Variants in STT3B observed in about 807,000 individuals in gnomAD.
STT3B encodes STT3 oligosaccharyltransferase complex catalytic subunit B, also known as dolichyl-diphosphooligosaccharide--protein glycosyltransferase subunit STT3B.
In STT3B, 29 loss-of-function variants were observed where a neutral mutation model predicts 96.8. The observed-to-expected ratio is 0.30, with a 90% CI of 0.22 to 0.41. The LOEUF (loss-of-function observed/expected upper bound fraction) is 0.41. STT3B is among the 10% of genes least tolerant of loss of function. The pLI is 1.00. For synonymous variants in STT3B, 367 were observed against 360.0 expected (o/e 1.02, Z -0.22); for missense variants, 640 against 1,022.3 (o/e 0.63, Z 5.10).
At chr3:31,533,496 C>T (rs933052883) in intron 1 of STT3B, 184 bp downstream of exon 1, 27 of 708,928 alleles carry the variant, frequency 3.8e-5, no homozygotes, top group Non-Finnish European at 7.8e-6. Context: ...GAAGTTTGCC[C>T]CGTGCAGCCT....
intron 9 of STT3B, 43 bp from the exon 10 acceptor site, chr3:31,622,054 A>G: frequency 1.3e-6 from 2 of 1,534,962 alleles, no homozygotes; most frequent in East Asian, 4.5e-5. Flanking sequence ...TTTCCTGGGA[A>G]CTTTTTCCCT....
At chr3:31,556,695 C>A (rs1024238320) in intron 1 of STT3B, among the ~76,000 whole-genome samples, 3 of 152,112 alleles carry the variant, frequency 2.0e-5, no homozygotes, top group Non-Finnish European at 4.4e-5. Flanking sequence ...TGTATGTCTT[C>A]TTTTGAGAAA....
At chr3:31,578,898 A>C (rs1217554859) in intron 2 of STT3B, among the ~76,000 whole-genome samples, 1 of 152,094 alleles carries the variant, frequency 6.6e-6, no homozygotes, top group Non-Finnish European at 1.5e-5. Context: ...TAAAGACGGG[A>C]GTGTGGGGGA....
chr3:31,554,713 C>T (rs545601976), intron 1 of STT3B, among the ~76,000 whole-genome samples: 4 of 152,274 alleles, frequency 2.6e-5, no homozygotes, highest in Admixed American at 2.6e-4. Flanking sequence ...CTTTTATGCA[C>T]TCTTTTCTGG....
chr3:31,553,522 T>TA (rs923175757), intron 1 of STT3B, among the ~76,000 whole-genome samples: 6 of 152,178 alleles, frequency 3.9e-5, no homozygotes, highest in Non-Finnish European at 8.8e-5. Flanking sequence ...AAAGTAGAAT[T>TA]ACGATTATTC....
At chr3:31,582,615 C>T (rs1468813842) in intron 3 of STT3B, among the ~76,000 whole-genome samples, 1 of 151,878 alleles carries the variant, frequency 6.6e-6, no homozygotes, top group Non-Finnish European at 1.5e-5. Context: ...TTTTCTAGTT[C>T]ACAACGTAGT....
intron 3 of STT3B, among the ~76,000 whole-genome samples, chr3:31,596,474 G>GTGACC (rs1698794029): frequency 6.6e-6 from 1 of 152,100 alleles, no homozygotes; most frequent in Non-Finnish European, 1.5e-5. Context: ...GGTGGCCATG[G>GTGACC]TGACCTGTGG....
At chr3:31,541,737 C>T (rs182742514) in intron 1 of STT3B, among the ~76,000 whole-genome samples, 22 of 152,068 alleles carry the variant, frequency 1.4e-4, no homozygotes, top group Middle Eastern at 3.4e-3. Flanking sequence ...CGACCATGCC[C>T]GGCTAATTTT....
chr3:31,562,168 G>A (rs987959435), intron 1 of STT3B, among the ~76,000 whole-genome samples: 1 of 152,134 alleles, frequency 6.6e-6, no homozygotes, highest in Non-Finnish European at 1.5e-5. Context: ...TGCAGGGGAG[G>A]GCAGCTTCTC....
chr3:31,632,629 A>G (rs994465083), intron 14 of STT3B, among the ~76,000 whole-genome samples: 1 of 151,216 alleles, frequency 6.6e-6, no homozygotes, highest in East Asian at 2.0e-4. Flanking sequence ...GTATACCTAT[A>G]AAAAGGGCTT....
intron 4 of STT3B, 50 bp from the exon 5 acceptor site, chr3:31,600,310 A>C (rs1458603679): frequency 1.2e-6 from 1 of 834,234 alleles, no homozygotes; most frequent in Non-Finnish European, 1.9e-6. Context: ...AAATATACTT[A>C]TTTTAAAAAG....
chr3:31,614,554 T>C (rs1417963205), intron 5 of STT3B, among the ~76,000 whole-genome samples: 3 of 151,974 alleles, frequency 2.0e-5, no homozygotes, highest in Admixed American at 6.6e-5. Context: ...TTGACTTCTG[T>C]GTACTTAGTT....
intron 1 of STT3B, among the ~76,000 whole-genome samples, chr3:31,546,451 C>CG: frequency 6.6e-6 from 1 of 152,082 alleles, no homozygotes; most frequent in East Asian, 1.9e-4. Flanking sequence ...AGCATTGCAG[C>CG]GGGGTTCTGA....
At chr3:31,593,320 T>G (rs1001589824) in intron 3 of STT3B, among the ~76,000 whole-genome samples, 1 of 152,154 alleles carries the variant, frequency 6.6e-6, no homozygotes, top group African/African-American at 2.4e-5. Context: ...TGATGCAAAG[T>G]CAATCATATC....
chr3:31,602,701 T>G (rs1464061297), intron 5 of STT3B, among the ~76,000 whole-genome samples: 2 of 144,246 alleles, frequency 1.4e-5, no homozygotes, highest in African/African-American at 5.2e-5. Flanking sequence ...TAGAAAAATA[T>G]GAAATTCATA....
intron 1 of STT3B, among the ~76,000 whole-genome samples, chr3:31,562,474 T>G (rs540988491): frequency 6.6e-6 from 1 of 151,914 alleles, no homozygotes; most frequent in African/African-American, 2.4e-5. Context: ...CTTGCTTTGG[T>G]GGGGGTATGG....
At position 31,622,184 on chromosome 3, in the gene STT3B, C is replaced by T; in HGVS notation, c.1415C>T (p.Ser472Phe). Residue 472 changes from serine to phenylalanine, a missense_variant, in exon 10 of 16, where the codon TCT becomes TTT. By Grantham distance (155) the Ser-to-Phe change is radical. This residue lies in a region of STT3B where 149 missense variants were observed against 250.2 expected (regional missense o/e 0.60). Coordinates refer to ENST00000295770, the MANE Select transcript of STT3B (RefSeq NM_178862.3). Reference sequence around the variant, plus strand: ...TTGACTCCAGTCGTGTGTATGCTGTCTGCAATTGCCTTTTCAAATGTTTTT... The same window carrying T: ...TTGACTCCAGTCGTGTGTATGCTGTTTGCAATTGCCTTTTCAAATGTTTTT... ...LTLTPVVCML[S>F]AIAFSNVFEH... 6.2e-7 allele frequency: 1 copy of T among 1,614,094 alleles called. No homozygotes were observed. Among genetic ancestry groups the T allele is most frequent in the Non-Finnish European group, 8.5e-7 (1 of 1,179,964 alleles).
At chr3:31,573,640 T>C (rs1330746534) in intron 1 of STT3B, among the ~76,000 whole-genome samples, 1 of 152,134 alleles carries the variant, frequency 6.6e-6, no homozygotes, top group Middle Eastern at 3.2e-3. Flanking sequence ...GGATGGTAGG[T>C]GTCTGATCAG....
intron 6 of STT3B, among the ~76,000 whole-genome samples, chr3:31,615,826 TA>T: frequency 6.6e-6 from 1 of 151,964 alleles, no homozygotes; most frequent in African/African-American, 2.4e-5. Context: ...AAATTGAATT[TA>T]TTTTTAAAAA....
Sources: allele counts gnomAD v4.1 joint callset (sites outside exome capture counted in the v4.1 genomes callset), GRCh38; gene constraint gnomAD v4.1.1; regional missense constraint gnomAD v4.1.1; transcripts MANE v1.5; gene names NCBI Gene and HGNC (gene_info 2026-07-23, HGNC 2026-07-21).